SHISAL1: variants seen among roughly 807,000 people sequenced by gnomAD.
SHISAL1 encodes protein shisa-like-1.
Under a neutral mutation model 22.6 loss-of-function variants are expected in SHISAL1, and 9 were observed. That is an observed-to-expected ratio of 0.40 (90% CI 0.24 to 0.70). The LOEUF (loss-of-function observed/expected upper bound fraction) is 0.70. Ranked by LOEUF, SHISAL1 falls within the 30% of genes least tolerant of loss-of-function variation. The pLI is 0.39. For missense variants in SHISAL1, 246 were observed against 270.6 expected (o/e 0.91, Z 0.64); for synonymous variants, 119 against 115.4 (o/e 1.03, Z -0.20).
chr22:44,295,057 G>A (rs890884351), intron 3 of SHISAL1, among the ~76,000 whole-genome samples: 1 of 152,100 alleles, frequency 6.6e-6, no homozygotes, highest in African/African-American at 2.4e-5. Context: ...GATTTTTTTG[G>A]GGGGAGGTAG....
At chr22:44,275,399 G>A (rs1353135257) in intron 4 of SHISAL1, among the ~76,000 whole-genome samples, 2 of 152,250 alleles carry the variant, frequency 1.3e-5, no homozygotes, top group Non-Finnish European at 2.9e-5. Flanking sequence ...CGGCGGATCA[G>A]AAGCGAGGCT....
At chr22:44,257,779 G>A (rs1339925350) in intron 4 of SHISAL1, among the ~76,000 whole-genome samples, 1 of 152,196 alleles carries the variant, frequency 6.6e-6, no homozygotes, top group Admixed American at 6.5e-5. Context: ...AAGAAGCTCT[G>A]GAGCTGGTCT....
chr22:44,267,730 T>C (rs2055174177), intron 4 of SHISAL1, among the ~76,000 whole-genome samples: 2 of 152,246 alleles, frequency 1.3e-5, no homozygotes, highest in African/African-American at 2.4e-5. Context: ...TTCTGATGGA[T>C]TGATGTGCAG....
chr22:44,263,024 C>A (rs567199316), intron 4 of SHISAL1, among the ~76,000 whole-genome samples: 2 of 150,634 alleles, frequency 1.3e-5, no homozygotes, highest in East Asian at 2.0e-4. Flanking sequence ...TTGGTGCTGA[C>A]GGTATGCATG....
chr22:44,268,456 C>T (rs560833517), intron 4 of SHISAL1, among the ~76,000 whole-genome samples: 49 of 152,332 alleles, frequency 3.2e-4, no homozygotes, highest in African/African-American at 1.2e-3. Flanking sequence ...TCCCTTCCCT[C>T]ATTTTACACA....
At chr22:44,261,113 C>A (rs1260413227) in intron 4 of SHISAL1, among the ~76,000 whole-genome samples, 3 of 104,056 alleles carry the variant, frequency 2.9e-5, no homozygotes, top group Non-Finnish European at 6.0e-5. Context: ...TATATGGATT[C>A]TCTTGCAGAA....
At position 44,274,612 on chromosome 22, in the gene SHISAL1, T is replaced by C. The variant is rs150880024; in HGVS notation, c.599+10816A>G. 8.4e-3 allele frequency among the ~76,000 whole-genome samples: 1,278 copies of C among 152,306 alleles called. 11 individuals carry two copies. Among genetic ancestry groups the C allele is most frequent in the Middle Eastern group, 0.034 (10 of 294 alleles). On this transcript the variant is annotated intron_variant, in intron 4 of 4. Coordinates refer to ENST00000381176, the MANE Select transcript of SHISAL1 (RefSeq NM_001099294.2). Reference sequence around the variant, plus strand: ...TGTAGGGAATCCCACACATGGAATCTGGACAACTGGGTGGCCGCTGAAATG... The same window carrying C: ...TGTAGGGAATCCCACACATGGAATCCGGACAACTGGGTGGCCGCTGAAATG...
At chr22:44,276,829 G>GA (rs34504129) in intron 4 of SHISAL1, among the ~76,000 whole-genome samples, 5,817 of 150,252 alleles carry the variant, frequency 0.039, 414 homozygotes, top group African/African-American at 0.14. Context: ...GGGTCCCCAG[G>GA]GGTGGGTGGA....
intron 4 of SHISAL1, among the ~76,000 whole-genome samples, chr22:44,269,472 GCGCACACACACA>G (rs753809003): frequency 2.4e-4 from 32 of 136,090 alleles, no homozygotes; most frequent in East Asian, 4.4e-4. Flanking sequence ...CCCACAACAC[GCGCACACACACA>G]CACACACACT....
chr22:44,307,562 G>A (rs1203039149), intron 1 of SHISAL1, among the ~76,000 whole-genome samples: 1 of 152,112 alleles, frequency 6.6e-6, no homozygotes, highest in Non-Finnish European at 1.5e-5. Flanking sequence ...GTAGTCCGTG[G>A]CCAACAACAA....
At chr22:44,270,266 C>A in intron 4 of SHISAL1, among the ~76,000 whole-genome samples, 1 of 152,336 alleles carries the variant, frequency 6.6e-6, no homozygotes, top group East Asian at 1.9e-4. Context: ...ATGCCGTCAA[C>A]GTTGAGATGT....
At chr22:44,327,715 G>A in the SHISAL1 span, among the ~76,000 whole-genome samples, 1 of 152,060 alleles carries the variant, frequency 6.6e-6, no homozygotes. Flanking sequence ...AGGAAGAGAT[G>A]GGGCCACCCT....
In SHISAL1 at chr22:44,265,210, G is replaced by A. The variant is rs118129815; in HGVS notation, c.*-15525C>T. Among the ~76,000 whole-genome samples the A allele has an allele frequency of 8.9e-4, 136 of 152,252 alleles. 4 individuals are homozygous for A. The East Asian group carries it at 0.022, about 24-fold the overall frequency. On this transcript the variant is annotated intron_variant, in intron 4 of 4. Coordinates refer to ENST00000381176, the MANE Select transcript of SHISAL1 (RefSeq NM_001099294.2). ...CCAAGGGAGACCAAAGGATGGGGAC[G>A]GAGGCAAGTGGCTCGCTTGTAACAA...
chr22:44,256,764 A>T (rs541160245), intron 4 of SHISAL1, among the ~76,000 whole-genome samples: 1 of 151,810 alleles, frequency 6.6e-6, no homozygotes, highest in African/African-American at 2.4e-5. Context: ...TCTACACTCA[A>T]TTAAGATGAA....
the SHISAL1 span, among the ~76,000 whole-genome samples, chr22:44,327,255 C>T: frequency 2.8e-5 from 3 of 108,244 alleles, no homozygotes; most frequent in African/African-American, 5.3e-5. Flanking sequence ...CACACACACA[C>T]ACACACACAC....
At chr22:44,281,290 C>T (rs1005207669) in intron 4 of SHISAL1, among the ~76,000 whole-genome samples, 10 of 152,102 alleles carry the variant, frequency 6.6e-5, no homozygotes, top group African/African-American at 1.7e-4. Context: ...AGGTTCTGGT[C>T]GGGGGAGCTG....
chr22:44,297,025 T>A, intron 2 of SHISAL1, 140 bp from the exon 3 acceptor site: 2 of 659,654 alleles, frequency 3.0e-6, no homozygotes, highest in Non-Finnish European at 5.3e-6. Flanking sequence ...ACTGTGAGCC[T>A]CACCTCTGGG....
At chr22:44,319,481 G>A in the SHISAL1 span, among the ~76,000 whole-genome samples, 1 of 152,200 alleles carries the variant, frequency 6.6e-6, no homozygotes, top group Non-Finnish European at 1.5e-5. Context: ...CCCCATTACT[G>A]GGAACAGCTC....
rs565815071 is a variant in SHISAL1 at position 44,296,556 on chromosome 22, C to T, written c.281+116G>A. ...AAGACTCTCCCAGACTCCTTCCAGG[C>T]CCACCCAACCTTATAGCGGTTACCC... On this transcript the variant is annotated intron_variant, in intron 3 of 4. Transcript: ENST00000381176. 1,153 of 826,394 alleles carry T rather than the reference C, an allele frequency of 1.4e-3. 1 individual carries two copies. The highest frequency in any genetic ancestry group is 2.2e-3 in the South Asian group (139 of 62,600). The allele number at this position is 826,394 out of a possible 1,614,324, so 51.2% of individuals were successfully genotyped here. A position where few individuals can be genotyped will look rare whatever the true frequency, so the allele number is the denominator to read the frequency against.
Sources: gnomAD v4.1 joint callset for allele counts (sites outside exome capture counted in the v4.1 genomes callset) on GRCh38, gnomAD v4.1.1 for gene constraint, MANE v1.5 for transcripts, NCBI Gene and HGNC (gene_info 2026-07-23, HGNC 2026-07-21) for gene names.